Variants in DISP3 observed in about 807,000 individuals in gnomAD.
DISP3 encodes protein dispatched homolog 3.
In DISP3, 101 loss-of-function variants were observed where a neutral mutation model predicts 135.3. That is an observed-to-expected ratio of 0.75 (90% confidence interval 0.64 to 0.88). The LOEUF (loss-of-function observed/expected upper bound fraction) is 0.88. Ranked by LOEUF, DISP3 falls within the 40% of genes least tolerant of loss-of-function variation. The pLI, the probability that DISP3 is intolerant of heterozygous loss-of-function variation, is 0.00. For missense variants in DISP3, 1,713 were observed against 1,878.6 expected (o/e 0.91, Z 1.63); for synonymous variants, 856 against 817.0 (o/e 1.05, Z -0.81).
At chr1:11,532,185 A>G (rs1233705513) in intron 17 of DISP3, among the ~76,000 whole-genome samples, 1 of 152,196 alleles carries the variant, frequency 6.6e-6, no homozygotes, top group Non-Finnish European at 1.5e-5. Flanking sequence ...GCATAGGCAC[A>G]CATGTGTGCA....
At chr1:11,488,056 G>C (rs1299411973) in intron 1 of DISP3, among the ~76,000 whole-genome samples, 1 of 152,184 alleles carries the variant, frequency 6.6e-6, no homozygotes, top group Non-Finnish European at 1.5e-5. Context: ...TGAGCAGGGT[G>C]GGGGTGTGAG....
At position 11,531,742 on chromosome 1, in the gene DISP3, CTGCGT is replaced by C. The variant is rs772621765; in HGVS notation, c.3375+33_3375+37del. ...CCAGGCAGCCTCACTGGGTGCCATG[CTGCGT>C]ACTTGCCCGGGGTGTGCCACCTCTG... is the stretch of plus-strand genomic sequence containing the variant. On this transcript the variant is annotated intron_variant, in intron 17 of 20. Transcript: ENST00000294484. This position sits in a 1 kb window ranked among gnomAD's most constrained non-coding sequence, Gnocchi z 5.2. 37 of 1,565,698 alleles carry C rather than the reference CTGCGT, an allele frequency of 2.4e-5. No homozygotes were observed. The Admixed American group carries it at 6.6e-4, about 28-fold the overall frequency.
intron 1 of DISP3, among the ~76,000 whole-genome samples, chr1:11,480,639 C>G (rs1223596886): frequency 6.6e-6 from 1 of 151,598 alleles, no homozygotes; most frequent in East Asian, 1.9e-4. Flanking sequence ...CACTCAGACT[C>G]CCAAGCACAG....
chr1:11,515,815 G>T (rs180860914), intron 5 of DISP3, among the ~76,000 whole-genome samples, 186 bp from the exon 6 acceptor site: 2 of 152,212 alleles, frequency 1.3e-5, no homozygotes, highest in Non-Finnish European at 2.9e-5. Context: ...GAGTGTGGTG[G>T]GTGGGGCTTG....
chr1:11,520,978 GC>G lies in DISP3; in HGVS notation c.2362+135del. ...TCAGGCAAATCCCACTCCCCTCTGA[GC>G]CCCCATGTTCCCACAGTTCATTCAA... On this transcript the variant is annotated intron_variant, in intron 10 of 20. Coordinates refer to ENST00000294484, the MANE Select transcript of DISP3 (RefSeq NM_020780.2). The surrounding 1 kb of genome is among the most constrained non-coding windows in gnomAD (Gnocchi z 4.8). 8.7e-7 allele frequency: 1 copy of G among 1,150,622 alleles called. No homozygotes were observed. The highest frequency in any genetic ancestry group is 1.2e-6 in the Non-Finnish European group (1 of 835,720). 71.3% of individuals were successfully genotyped at this position (1,150,622 alleles called of 1,614,324 possible).
In DISP3 at chr1:11,525,912, C is replaced by T. The variant is rs189304709; in HGVS notation, c.2613+600C>T. Among the ~76,000 whole-genome samples, 60 of 152,264 alleles carry T rather than the reference C, an allele frequency of 3.9e-4. 1 individual carries two copies. The highest frequency in any genetic ancestry group is 2.4e-3 in the Admixed American group (36 of 15,292). On this transcript the variant is annotated intron_variant, in intron 12 of 20. Coordinates refer to ENST00000294484, the MANE Select transcript of DISP3 (RefSeq NM_020780.2). ...GCAGCCTCGACCTCCTGGGCTCAAG[C>T]GATCCTCTCTCATCAGCCTCCTGAG...
rs1642575011 is a variant in DISP3, at chr1:11,531,483, G to A, written c.3230-82G>A. On this transcript the variant is annotated intron_variant, in intron 16 of 20. Transcript: ENST00000294484. This position sits in a 1 kb window ranked among gnomAD's most constrained non-coding sequence, Gnocchi z 5.2. ...AGCACTCTAAGCCTCAGAGGTATGT[G>A]AGTGCGTGGGCACAGGTGTGATGCA... The A allele has an allele frequency of 6.3e-6, 10 of 1,586,800 alleles. No individual in the cohort carries two copies. The highest frequency in any genetic ancestry group is 8.6e-6 in the Non-Finnish European group (10 of 1,158,138).
chr1:11,487,959 C>T (rs879891086), intron 1 of DISP3, among the ~76,000 whole-genome samples: 2 of 152,198 alleles, frequency 1.3e-5, no homozygotes, highest in Non-Finnish European at 2.9e-5. Context: ...GGCCCTCTAT[C>T]ATGGAATAGA....
chr1:11,535,622 A>G lies in DISP3; in HGVS notation c.3794A>G (p.Asn1265Ser), dbSNP rs1293712451. ...LVEGYLLAGENLPPHQAEDAR... is the reference protein window; with the variant it reads ...LVEGYLLAGESLPPHQAEDAR... ...GAGGGCTACCTGCTGGCTGGAGAGA[A>G]CCTGCCCCCCCACCAGGCCGAGGTG... Residue 1265 changes from asparagine (N) to serine (S), a missense_variant, in exon 20 of 21, where the codon AAC becomes AGC. Asn to Ser is a conservative substitution (Grantham distance 46). Around this residue, in one of 2 missense-constraint regions of DISP3, gnomAD observed 1,142 missense variants for 1,384.6 expected, o/e 0.82. Coordinates refer to ENST00000294484, the MANE Select transcript of DISP3 (RefSeq NM_020780.2). 1 of 1,612,422 alleles carries G rather than the reference A, an allele frequency of 6.2e-7. No individual in the cohort carries two copies. The highest frequency in any genetic ancestry group is 2.2e-5 in the East Asian group (1 of 44,876).
At position 11,531,573 on chromosome 1, in the gene DISP3, A is replaced by T; in HGVS notation, c.3238A>T (p.Ile1080Phe). The change falls in exon 17 of 21, where the codon ATC becomes TTC. Residue 1080 changes from isoleucine to phenylalanine, a missense_variant. Physicochemically the swap from Ile to Phe is conservative, Grantham distance 21 (BLOSUM62 0). This residue lies in a region of DISP3 where 1,142 missense variants were observed against 1,384.6 expected (regional missense o/e 0.82). Coordinates refer to ENST00000294484, the MANE Select transcript of DISP3 (RefSeq NM_020780.2). The surrounding 1 kb of genome is among the most constrained non-coding windows in gnomAD (Gnocchi z 5.2). ...GAQCLPSGYS[I>F]SSFLQMLHPE... ...CTTGCCTCTCCCCGCAGGCTACAGC[A>T]TCTCCTCCTTCCTGCAGATGTTGCA... 1 of 1,613,430 alleles carries T rather than the reference A, an allele frequency of 6.2e-7. No homozygotes were observed. The highest frequency in any genetic ancestry group is 1.3e-5 in the African/African-American group (1 of 75,022).
In DISP3 at chr1:11,501,637, C is replaced by T. The variant is rs751493284; in HGVS notation, c.645C>T (p.Ala215=). ...RETPPLEDLA[A]NQSEDPRNQR... ...CCCCGCCCCTGGAGGATCTGGCAGCCAACCAGAGTGAAGACCCGCGAAACC... is the reference window on the plus strand; with the variant it reads ...CCCCGCCCCTGGAGGATCTGGCAGCTAACCAGAGTGAAGACCCGCGAAACC... Residue 215 remains alanine (A), a synonymous_variant, in exon 2 of 21, where the codon GCC becomes GCT. Transcript: ENST00000294484. This position sits in a 1 kb window ranked among gnomAD's most constrained non-coding sequence, Gnocchi z 4.9. The T allele has an allele frequency of 6.2e-7, 1 of 1,609,306 alleles. No homozygotes were observed. The highest frequency in any genetic ancestry group is 2.2e-5 in the East Asian group (1 of 44,746).
At chr1:11,504,598 A>C (rs1293336335) in intron 3 of DISP3, among the ~76,000 whole-genome samples, 1 of 152,172 alleles carries the variant, frequency 6.6e-6, no homozygotes, top group Non-Finnish European at 1.5e-5. Context: ...TAAATAGATT[A>C]ATGCCATCTT....
rs1642575799 is a variant in DISP3, at chr1:11,531,530, C to T, written c.3230-35C>T. The T allele has an allele frequency of 1.9e-6, 3 of 1,612,844 alleles. No individual in the cohort carries two copies. The highest frequency in any genetic ancestry group is 2.2e-5 in the East Asian group (1 of 44,874). ...TGCAGGGGGACAGGCTCTTCCAGGGCCACCACGCACTCCCTTTCTTGCCTC... is the reference window on the plus strand; with the variant it reads ...TGCAGGGGGACAGGCTCTTCCAGGGTCACCACGCACTCCCTTTCTTGCCTC... On this transcript the variant is annotated intron_variant, in intron 16 of 20. Transcript: ENST00000294484. The surrounding 1 kb of genome is among the most constrained non-coding windows in gnomAD (Gnocchi z 5.2).
intron 3 of DISP3, among the ~76,000 whole-genome samples, 173 bp from the exon 4 acceptor site, chr1:11,514,217 C>G (rs1238293757): frequency 1.3e-5 from 2 of 152,214 alleles, no homozygotes; most frequent in Admixed American, 1.3e-4. Context: ...TTGTCTGGAG[C>G]CTGGCCTGGA....
rs1021582577 is a variant in DISP3 at position 11,535,001 on chromosome 1, TC to T, written c.3536-7del. The T allele has an allele frequency of 6.4e-7, 1 of 1,567,660 alleles. No homozygotes were observed. On this transcript the variant is annotated splice_polypyrimidine_tract_variant and intron_variant, in intron 18 of 20. Transcript: ENST00000294484. ...ACAGCAGCGCACTGAGGCCCTGTCC[TC>T]CCTTGCAGGGGTGCAGAGCGCCCTG...
rs1421670326 is a variant in DISP3 at position 11,501,469 on chromosome 1, G to C, written c.477G>C (p.Leu159=). The C allele has an allele frequency of 6.2e-7, 1 of 1,603,962 alleles. No homozygotes were observed. The highest frequency in any genetic ancestry group is 8.5e-7 in the Non-Finnish European group (1 of 1,175,600). ...TTATCTCAGAGCAGCTGCAGCAGCT[G>C]CATCTCGGCAACCGCTCGCGGCAAG... ...QRLISEQLQQ[L]HLGNRSRQAS... is the part of the protein sequence containing the mutation. Residue 159 remains leucine (L), a synonymous_variant, in exon 2 of 21, where the codon CTG becomes CTC. Transcript: ENST00000294484. This position sits in a 1 kb window ranked among gnomAD's most constrained non-coding sequence, Gnocchi z 4.9.
chr1:11,527,345 C>A (rs556627870), intron 13 of DISP3, among the ~76,000 whole-genome samples: 1 of 152,162 alleles, frequency 6.6e-6, no homozygotes, highest in Admixed American at 6.5e-5. Flanking sequence ...GTCAGCCGAT[C>A]GAGACCATCC....
chr1:11,518,143 G>A (rs957759102), intron 7 of DISP3, among the ~76,000 whole-genome samples: 4 of 152,194 alleles, frequency 2.6e-5, no homozygotes, highest in African/African-American at 9.6e-5. Flanking sequence ...GGTGGATGGT[G>A]GTGGAGTTGA....
At chr1:11,500,007 C>G (rs945619582) in intron 1 of DISP3, among the ~76,000 whole-genome samples, 1 of 152,254 alleles carries the variant, frequency 6.6e-6, no homozygotes. Flanking sequence ...CCGGGGATGC[C>G]GGAAAGCCTC....
Sources: allele counts gnomAD v4.1 joint callset (sites outside exome capture counted in the v4.1 genomes callset), GRCh38; gene constraint gnomAD v4.1.1; regional missense constraint gnomAD v4.1.1; non-coding constraint Gnocchi (gnomAD v3.1); transcripts MANE v1.5; gene names NCBI Gene and HGNC (gene_info 2026-07-23, HGNC 2026-07-21).